KCNQ5: variants seen among roughly 807,000 people sequenced by gnomAD.
KCNQ5 encodes the protein potassium voltage-gated channel subfamily Q member 5.
KCNQ5 carries 30 observed loss-of-function variants against 98.2 expected under a neutral mutation model. The ratio of observed to expected loss-of-function variants is 0.31; its 90% CI spans 0.23 to 0.41. The LOEUF is 0.41. KCNQ5 is among the 10% of genes least tolerant of loss of function. The probability of loss-of-function intolerance (pLI) is 1.00; values close to 1 mark genes in which losing one functional copy is unlikely to be tolerated. For missense variants in KCNQ5, 835 were observed against 1,182.5 expected (o/e 0.71, Z 4.31); for synonymous variants, 458 against 449.4 (o/e 1.02, Z -0.24).
intron 1 of KCNQ5, among the ~76,000 whole-genome samples, chr6:72,662,440 T>G (rs1318987743): frequency 6.6e-6 from 1 of 152,206 alleles, no homozygotes; most frequent in Non-Finnish European, 1.5e-5. Context: ...ATAACTTTTG[T>G]CTGGAATGTT....
intron 1 of KCNQ5, chr6:72,986,742 T>C: frequency 6.8e-7 from 1 of 1,464,066 alleles, no homozygotes; most frequent in Non-Finnish European, 9.5e-7. Context: ...GCCTCTGGGG[T>C]GAAAACCTCC....
At chr6:72,823,519 A>G (rs1775850416) in intron 1 of KCNQ5, among the ~76,000 whole-genome samples, 1 of 152,146 alleles carries the variant, frequency 6.6e-6, no homozygotes, top group African/African-American at 2.4e-5. Context: ...TACTATGCCT[A>G]TGTGTTTTTT....
At chr6:72,778,473 G>A (rs1773277616) in intron 1 of KCNQ5, among the ~76,000 whole-genome samples, 1 of 151,708 alleles carries the variant, frequency 6.6e-6, no homozygotes, top group Admixed American at 6.6e-5. Flanking sequence ...CCAGAGGAGG[G>A]GACTGCAATG....
intron 1 of KCNQ5, among the ~76,000 whole-genome samples, chr6:72,758,884 G>A (rs1356416767): frequency 6.6e-6 from 1 of 152,080 alleles, no homozygotes; most frequent in Admixed American, 6.6e-5. Flanking sequence ...TAACTTGGCT[G>A]ACTTAAAGAT....
chr6:73,147,892 A>G lies in KCNQ5; in HGVS notation c.1468+14251A>G, dbSNP rs567151897. Among the ~76,000 whole-genome samples the G allele has an allele frequency of 1.4e-3, 219 of 152,280 alleles. 1 individual carries two copies. The highest frequency in any genetic ancestry group is 5.1e-3 in the African/African-American group (212 of 41,566). On this transcript the variant is annotated intron_variant, in intron 10 of 13. Coordinates refer to ENST00000370398, the MANE Select transcript of KCNQ5 (RefSeq NM_019842.4). ...ATAAGCAAGTGTTTGAGGCATTCAA[A>G]TAAGTGAGTATTTGAGTGACTCTAA...
At chr6:73,157,100 A>G (rs1205029032) in intron 10 of KCNQ5, among the ~76,000 whole-genome samples, 1 of 152,200 alleles carries the variant, frequency 6.6e-6, no homozygotes, top group Non-Finnish European at 1.5e-5. Context: ...CGTGAAAACA[A>G]ACTGTACACT....
At chr6:72,644,095 C>A (rs916022835) in intron 1 of KCNQ5, among the ~76,000 whole-genome samples, 24 of 152,134 alleles carry the variant, frequency 1.6e-4, no homozygotes, top group African/African-American at 5.1e-4. Context: ...AAAATACACA[C>A]ATAGTAGGTT....
chr6:72,676,760 A>C (rs1263972417), intron 1 of KCNQ5, among the ~76,000 whole-genome samples: 1 of 113,916 alleles, frequency 8.8e-6, no homozygotes, highest in Non-Finnish European at 2.1e-5. Flanking sequence ...CTGATTAAAA[A>C]TATTTTTATG....
intron 1 of KCNQ5, among the ~76,000 whole-genome samples, chr6:72,654,635 C>A (rs550728943): frequency 1.8e-4 from 28 of 152,124 alleles, no homozygotes; most frequent in African/African-American, 6.0e-4. Flanking sequence ...GGGGAGAAGA[C>A]AACTTTAAGA....
At chr6:72,735,323 GA>G (rs1270666207) in intron 1 of KCNQ5, among the ~76,000 whole-genome samples, 1 of 152,144 alleles carries the variant, frequency 6.6e-6, no homozygotes, top group Non-Finnish European at 1.5e-5. Flanking sequence ...AATCCAATAT[GA>G]AAATTACCAT....
In KCNQ5 at chr6:73,111,293, TG is replaced by T; in HGVS notation, c.1030-14del. Reference sequence around the variant, plus strand: ...TTTTGAAATTTTTGAGTGCCATTTTTGTATTTTGTTCCAGGGCATTCTTGGC... The same window carrying T: ...TTTTGAAATTTTTGAGTGCCATTTTTTATTTTGTTCCAGGGCATTCTTGGC... On this transcript the variant is annotated splice_polypyrimidine_tract_variant and intron_variant, in intron 6 of 13. Transcript: ENST00000370398. 9 of 1,589,508 alleles carry T rather than the reference TG, an allele frequency of 5.7e-6. No homozygotes were observed. Among genetic ancestry groups the T allele is most frequent in the Non-Finnish European group, 7.7e-6 (9 of 1,163,682 alleles).
intron 1 of KCNQ5, among the ~76,000 whole-genome samples, chr6:72,658,587 T>A (rs1176195001): frequency 1.4e-4 from 17 of 118,702 alleles, no homozygotes; most frequent in African/African-American, 5.3e-4. Context: ...TATTTTTTTT[T>A]TTTTTTTTTT....
rs140418928 is a variant in KCNQ5 at position 73,000,610 on chromosome 6, C to A, written c.399-3298C>A. On this transcript the variant is annotated intron_variant, in intron 1 of 13. Coordinates refer to ENST00000370398, the MANE Select transcript of KCNQ5 (RefSeq NM_019842.4). ...CTGACTTTGACTTTTCTTCTCCTGACTTGTACAGTCATCTCAGACTTTCCA... is the reference window on the plus strand; with the variant it reads ...CTGACTTTGACTTTTCTTCTCCTGAATTGTACAGTCATCTCAGACTTTCCA... Among the ~76,000 whole-genome samples the A allele has an allele frequency of 2.4e-4, 37 of 152,298 alleles. 1 individual carries two copies. Among genetic ancestry groups the A allele is most frequent in the African/African-American group, 7.9e-4 (33 of 41,556 alleles).
intron 1 of KCNQ5, chr6:72,987,633 T>G: frequency 1.7e-6 from 1 of 602,370 alleles, no homozygotes; most frequent in Non-Finnish European, 3.0e-6. Context: ...AGCAGGACTG[T>G]GACCGGGCCA....
chr6:72,797,870 A>T (rs1237166732), intron 1 of KCNQ5, among the ~76,000 whole-genome samples: 1 of 152,198 alleles, frequency 6.6e-6, no homozygotes, highest in Non-Finnish European at 1.5e-5. Flanking sequence ...AACTAGAATT[A>T]TACCTTCTAT....
At chr6:72,725,545 T>C (rs1770219739) in intron 1 of KCNQ5, among the ~76,000 whole-genome samples, 1 of 152,190 alleles carries the variant, frequency 6.6e-6, no homozygotes. Flanking sequence ...AAGGAGGAGA[T>C]GTTGATCAAA....
intron 1 of KCNQ5, among the ~76,000 whole-genome samples, chr6:72,765,630 G>A (rs1001494843): frequency 6.6e-6 from 1 of 151,978 alleles, no homozygotes; most frequent in African/African-American, 2.4e-5. Flanking sequence ...TACCAATAAG[G>A]CAGACGTGTG....
chr6:72,917,067 A>G (rs1780178354), intron 1 of KCNQ5, among the ~76,000 whole-genome samples: 1 of 152,210 alleles, frequency 6.6e-6, no homozygotes, highest in Non-Finnish European at 1.5e-5. Context: ...CACAGGAATG[A>G]GTTCTATGTC....
rs185694377 is a variant in KCNQ5 at position 72,916,772 on chromosome 6, C to A, written c.399-87136C>A. On this transcript the variant is annotated intron_variant, in intron 1 of 13. Coordinates refer to ENST00000370398, the MANE Select transcript of KCNQ5 (RefSeq NM_019842.4). ...TTTATTTAATAATTGATTTTATATA[C>A]CCCCCCAAAAAAAGTTTACTTGCTG... Among the ~76,000 whole-genome samples the A allele has an allele frequency of 3.2e-4, 49 of 151,988 alleles. 1 individual carries two copies. Among genetic ancestry groups the A allele is most frequent in the Admixed American group, 6.6e-4 (10 of 15,260 alleles).
Sources: allele counts gnomAD v4.1 joint callset (sites outside exome capture counted in the v4.1 genomes callset), GRCh38; gene constraint gnomAD v4.1.1; transcripts MANE v1.5; gene names NCBI Gene and HGNC (gene_info 2026-07-23, HGNC 2026-07-21).